The following EIF2S3B variants were observed in gnomAD, a reference collection of about 807,000 sequenced individuals.
The protein encoded by EIF2S3B is eukaryotic translation initiation factor 2 subunit gamma B.
A neutral mutation model predicts 26.4 loss-of-function variants in EIF2S3B; 16 were observed. The ratio of observed to expected loss-of-function variants is 0.61; its 90% CI spans 0.41 to 0.92. The LOEUF (loss-of-function observed/expected upper bound fraction) is 0.92. EIF2S3B is among the 40% of genes least tolerant of loss of function. The pLI, the probability that EIF2S3B is intolerant of heterozygous loss-of-function variation, is 0.00. For synonymous variants in EIF2S3B, 183 were observed against 204.4 expected (o/e 0.90, Z 0.89); for missense variants, 510 against 575.5 (o/e 0.89, Z 1.16).
In EIF2S3B at chr12:10,522,543, T is replaced by G. The variant is rs181387005; in HGVS notation, c.1309-60T>G. On this transcript the variant is annotated intron_variant, in intron 1 of 1. Transcript: ENST00000322446. ...AGTCTTTCCTTATACCTAAATAGAT[T>G]TGAGTTATTGCAGTTTCCATATTTA... 4.8e-6 allele frequency: 3 copies of G among 621,006 alleles called. No individual in the cohort carries two copies. In the African/African-American group the frequency reaches 5.5e-5, roughly 11 times the overall value. 38.5% of individuals were successfully genotyped at this position (621,006 alleles called of 1,614,324 possible). A position where few individuals can be genotyped will look rare whatever the true frequency, so the allele number is the denominator to read the frequency against.
At position 10,507,953 on chromosome 12, in the gene EIF2S3B, C is replaced by A. The variant is rs1480108546; in HGVS notation, c.*632C>A. ...TTTGCTGTAGCACACACATATATCACTGAAACTGTTCGAAATAAAGTTTTT... is the reference window on the plus strand; with the variant it reads ...TTTGCTGTAGCACACACATATATCAATGAAACTGTTCGAAATAAAGTTTTT... On this transcript the variant is annotated 3_prime_UTR_variant, in exon 1 of 1. Coordinates refer to ENST00000538173, the MANE Select transcript of EIF2S3B (RefSeq NM_001357734.3). Among the ~76,000 whole-genome samples the A allele has an allele frequency of 6.6e-6, 1 of 152,046 alleles. No homozygotes were observed. The highest frequency in any genetic ancestry group is 2.4e-5 in the African/African-American group (1 of 41,282).
chr12:10,516,451 A>G (rs2417901), intron 1 of EIF2S3B, among the ~76,000 whole-genome samples: 85,660 of 151,626 alleles, frequency 0.56, 24,567 homozygotes, highest in East Asian at 0.75. Context: ...AGCAAAATGA[A>G]TATTTATTGT....
chr12:10,511,230 TTTTACA>T (rs1392804678), downstream of EIF2S3B, among the ~76,000 whole-genome samples: 1 of 152,088 alleles, frequency 6.6e-6, no homozygotes, highest in Admixed American at 6.6e-5. Flanking sequence ...ATATCTTGTG[TTTTACA>T]TTTAAAGGAG....
At chr12:10,512,938 A>T (rs1417365756), downstream of EIF2S3B, among the ~76,000 whole-genome samples, 1 of 152,188 alleles carries the variant, frequency 6.6e-6, no homozygotes, top group Non-Finnish European at 1.5e-5. Context: ...TTTCATTCAT[A>T]AGACGCTTTT....
Position 10,506,472 on chromosome 12 carries a change from T to A in EIF2S3B, c.570T>A (p.Asn190Lys). 6.2e-7 allele frequency: 1 copy of A among 1,611,300 alleles called. No homozygotes were observed. Among genetic ancestry groups the A allele is most frequent in the Admixed American group, 1.7e-5 (1 of 60,020 alleles). ...MKLKHILILQ[N>K]KIDLVKERQA... The stretch of plus-strand genomic sequence containing the variant: ...TGAAGCATATTTTGATTCTACAAAA[T>A]AAAATTGATTTGGTAAAAGAAAGGC... The change falls in exon 1 of 1, where the codon AAT becomes AAA. Residue 190 changes from asparagine to lysine, a missense_variant. Physicochemically the swap from Asn to Lys is moderately conservative, Grantham distance 94. Transcript: ENST00000538173.
intron 1 of EIF2S3B, among the ~76,000 whole-genome samples, chr12:10,520,830 C>T (rs1272255148): frequency 6.6e-6 from 1 of 151,840 alleles, no homozygotes; most frequent in African/African-American, 2.4e-5. Context: ...GGAGAGACCT[C>T]AATAAGTAAT....
chr12:10,513,466 G>A (rs1864724877), downstream of EIF2S3B, among the ~76,000 whole-genome samples: 2 of 150,696 alleles, frequency 1.3e-5, no homozygotes, highest in Non-Finnish European at 2.9e-5. Context: ...TGAGACAGAT[G>A]GATGGGTCCC....
At chr12:10,509,234 T>C (rs1366460239), downstream of EIF2S3B, among the ~76,000 whole-genome samples, 1 of 152,122 alleles carries the variant, frequency 6.6e-6, no homozygotes, top group Non-Finnish European at 1.5e-5. Flanking sequence ...CTCCACAGTA[T>C]TTTTCTAGCA....
chr12:10,515,922 A>G (rs937851634), intron 1 of EIF2S3B, among the ~76,000 whole-genome samples: 1 of 151,028 alleles, frequency 6.6e-6, no homozygotes, highest in African/African-American at 2.4e-5. Context: ...TATATATATT[A>G]GCTTATTTTT....
rs770421472 is a variant in EIF2S3B, at chr12:10,506,971, A to G, written c.1069A>G (p.Ile357Val). Residue 357 changes from isoleucine to valine, a missense_variant, in exon 1 of 1, where the codon ATA becomes GTA. Coordinates refer to ENST00000538173, the MANE Select transcript of EIF2S3B (RefSeq NM_001357734.3). ...CCGGGCTGACAGAATGGTGGGGCAA[A>G]TACTTGGTGCAGTCGGAGCTTTACC... ...LCRADRMVGQ[I>V]LGAVGALPEI... is the part of the protein sequence containing the mutation. 93 of 1,613,742 alleles carry G rather than the reference A, an allele frequency of 5.8e-5. No individual in the cohort carries two copies. The Admixed American group carries it at 7.5e-4, about 13-fold the overall frequency.
At chr12:10,514,203 A>G (rs1342795021) in intron 1 of EIF2S3B, among the ~76,000 whole-genome samples, 1 of 151,702 alleles carries the variant, frequency 6.6e-6, no homozygotes, top group Non-Finnish European at 1.5e-5. Flanking sequence ...TCTCCCAGAT[A>G]CTCTACTATA....
intron 1 of EIF2S3B, among the ~76,000 whole-genome samples, chr12:10,513,719 T>C (rs1037328760): frequency 3.3e-5 from 5 of 152,160 alleles, no homozygotes; most frequent in African/African-American, 1.2e-4. Context: ...TAATAACATA[T>C]AAGAATCATA....
At chr12:10,518,948 G>C (rs1378794744) in intron 1 of EIF2S3B, among the ~76,000 whole-genome samples, 1 of 152,080 alleles carries the variant, frequency 6.6e-6, no homozygotes, top group African/African-American at 2.4e-5. Flanking sequence ...GTAATTTATA[G>C]ATTCAATGCC....
Position 10,506,577 on chromosome 12 carries a change from G to A in EIF2S3B, c.675G>A (p.Ser225=), listed in dbSNP as rs575459245. Residue 225 remains serine (S), a synonymous_variant, in exon 1 of 1, where the codon TCG becomes TCA. Transcript: ENST00000538173. ...VAEGAPIIPI[S]AQLKYNIEVV... ...AGGGAGCTCCCATTATTCCAATTTCGGCTCAGCTGAAATACAATATTGAAG... is the reference window on the plus strand; with the variant it reads ...AGGGAGCTCCCATTATTCCAATTTCAGCTCAGCTGAAATACAATATTGAAG... 6.4e-5 allele frequency: 102 copies of A among 1,596,284 alleles called. No individual in the cohort carries two copies. The Admixed American group carries it at 7.7e-4, about 12-fold the overall frequency.
chr12:10,518,119 T>G (rs1476563163), intron 1 of EIF2S3B, among the ~76,000 whole-genome samples: 1 of 152,174 alleles, frequency 6.6e-6, no homozygotes, highest in Admixed American at 6.5e-5. Context: ...TGTAGATGTC[T>G]ATTAGGTCCA....
At position 10,506,225 on chromosome 12, in the gene EIF2S3B, G is replaced by A. The variant is rs1864626336; in HGVS notation, c.323G>A (p.Ser108Asn). The A allele has an allele frequency of 1.3e-6, 2 of 1,598,266 alleles. No homozygotes were observed. Among genetic ancestry groups the A allele is most frequent in the East Asian group, 4.5e-5 (2 of 44,822 alleles). ...RPECYRSCGSSMPDEFPTDIP... is the reference protein window; with the variant it reads ...RPECYRSCGSNMPDEFPTDIP... ...GAATGTTATCGATCTTGTGGGAGCA[G>A]TATGCCTGATGAGTTTCCTACAGAC... Residue 108 changes from serine (S) to asparagine (N), a missense_variant, in exon 1 of 1, where the codon AGT becomes AAT. Physicochemically the swap from Ser to Asn is conservative, Grantham distance 46 (BLOSUM62 1). Coordinates refer to ENST00000538173, the MANE Select transcript of EIF2S3B (RefSeq NM_001357734.3).
At position 10,519,470 on chromosome 12, in the gene EIF2S3B, C is replaced by T. The variant is rs908115573; in HGVS notation, c.1309-3133C>T. ...ATGGGCAAGGACTTCATGTCTAACA[C>T]ACCAAAAGCAATGGCAACAAAAGCC... is the stretch of plus-strand genomic sequence containing the variant. On this transcript the variant is annotated intron_variant, in intron 1 of 1. Coordinates refer to the EIF2S3B transcript ENST00000322446. Among the ~76,000 whole-genome samples, 76 of 152,144 alleles carry T rather than the reference C, an allele frequency of 5.0e-4. No individual in the cohort carries two copies. The Middle Eastern group carries it at 0.01, about 20-fold the overall frequency.
At chr12:10,520,915 C>T (rs531175874) in intron 1 of EIF2S3B, among the ~76,000 whole-genome samples, 2 of 152,230 alleles carry the variant, frequency 1.3e-5, no homozygotes, top group South Asian at 4.1e-4. Flanking sequence ...ATTTTGTAGA[C>T]TTCTCTTTGT....
At chr12:10,518,506 G>A (rs1864790378) in intron 1 of EIF2S3B, among the ~76,000 whole-genome samples, 1 of 152,018 alleles carries the variant, frequency 6.6e-6, no homozygotes, top group Non-Finnish European at 1.5e-5. Context: ...CTGCACGTGA[G>A]ATGGGTTTCC....
Sources: gnomAD v4.1 joint callset for allele counts (sites outside exome capture counted in the v4.1 genomes callset) on GRCh38, gnomAD v4.1.1 for gene constraint, MANE v1.5 for transcripts, NCBI Gene and HGNC (gene_info 2026-07-23, HGNC 2026-07-21) for gene names.